The following ABCA13 variants were observed in gnomAD, a reference collection of about 807,000 sequenced individuals.
ABCA13 encodes the protein ATP-binding cassette sub-family A member 13.
In ABCA13, 476 loss-of-function variants were observed where a neutral mutation model predicts 478.7. The ratio of observed to expected loss-of-function variants is 0.99; its 90% confidence interval spans 0.92 to 1.07. ABCA13 has a LOEUF of 1.07. ABCA13 is among the 50% of genes least tolerant of loss of function. The pLI is 0.00. For missense variants in ABCA13, 6,060 were observed against 5,910.6 expected (o/e 1.03, Z -0.83); for synonymous variants, 2,252 against 2,158.9 (o/e 1.04, Z -1.20).
At chr7:48,233,066 A>C (rs951100098) in intron 7 of ABCA13, among the ~76,000 whole-genome samples, 5 of 152,240 alleles carry the variant, frequency 3.3e-5, no homozygotes, top group Non-Finnish European at 7.3e-5. Context: ...ATGTAAAGGC[A>C]ATCAGACTGG....
intron 31 of ABCA13, among the ~76,000 whole-genome samples, chr7:48,354,371 A>C (rs1355518536): frequency 1.3e-5 from 2 of 152,052 alleles, no homozygotes; most frequent in East Asian, 3.8e-4. Context: ...GAAGAACAGC[A>C]TACACTCCTA....
At chr7:48,173,010 G>C (rs1014519909) in intron 1 of ABCA13, among the ~76,000 whole-genome samples, 1 of 152,066 alleles carries the variant, frequency 6.6e-6, no homozygotes, top group Non-Finnish European at 1.5e-5. Flanking sequence ...TTGGTTCCCA[G>C]GCACTGCTCT....
chr7:48,419,219 A>T (rs1314023974), intron 41 of ABCA13, among the ~76,000 whole-genome samples: 1 of 152,232 alleles, frequency 6.6e-6, no homozygotes, highest in African/African-American at 2.4e-5. Flanking sequence ...GCAATTTGAC[A>T]TGAGATTTGG....
At chr7:48,219,014 C>T (rs185124537) in intron 3 of ABCA13, among the ~76,000 whole-genome samples, 355 of 152,292 alleles carry the variant, frequency 2.3e-3, no homozygotes, top group Non-Finnish European at 3.7e-3. Context: ...CATGTCCGTA[C>T]TGTTCACTGA....
intron 26 of ABCA13, among the ~76,000 whole-genome samples, chr7:48,315,018 A>T (rs1802361727): frequency 6.6e-6 from 1 of 152,220 alleles, no homozygotes; most frequent in Non-Finnish European, 1.5e-5. Context: ...CAGAATAAAC[A>T]TGCTGGTGAG....
Position 48,587,264 on chromosome 7 carries a change from G to T in ABCA13, c.14616G>T (p.Val4872=). The change falls in exon 57 of 62, where the codon GTG becomes GTT. Residue 4872 remains valine (V), a synonymous_variant. Transcript: ENST00000435803. ...AACTCTCTACAGCCCTGGCCCTGGTGGGGAAACCTGACATTCTTTTATTGG... is the reference window on the plus strand; with the variant it reads ...AACTCTCTACAGCCCTGGCCCTGGTTGGGAAACCTGACATTCTTTTATTGG... ...KRKLSTALAL[V]GKPDILLLDE... 1 of 1,609,332 alleles carries T rather than the reference G, an allele frequency of 6.2e-7. No homozygotes were observed.
chr7:48,282,467 A>C (rs981772662), intron 19 of ABCA13, among the ~76,000 whole-genome samples: 3 of 152,248 alleles, frequency 2.0e-5, no homozygotes, highest in Admixed American at 6.5e-5. Flanking sequence ...GACAACATGA[A>C]TCGAAGCCCA....
rs372785338 is a variant in ABCA13 at position 48,350,825 on chromosome 7, T to C, written c.10381+6T>C. ...GCAGAACAGCTTCTTGGCCAGTAAG[T>C]ACTCAATGAAAAAATATGTTCGCCA... On this transcript the variant is annotated splice_donor_region_variant and intron_variant, in intron 30 of 61. Coordinates refer to ENST00000435803, the MANE Select transcript of ABCA13 (RefSeq NM_152701.5). The C allele has an allele frequency of 4.0e-5, 64 of 1,610,198 alleles. 1 individual carries two copies. Among genetic ancestry groups the C allele is most frequent in the Middle Eastern group, 3.3e-4 (2 of 6,070 alleles).
At chr7:48,339,898 T>A (rs1252257896) in intron 29 of ABCA13, among the ~76,000 whole-genome samples, 2 of 152,270 alleles carry the variant, frequency 1.3e-5, no homozygotes, top group East Asian at 1.9e-4. Flanking sequence ...ACTGACCAGA[T>A]GCAAATCTCC....
intron 55 of ABCA13, among the ~76,000 whole-genome samples, chr7:48,563,794 TTGTGTGTGTGTGTGTG>T (rs200813371): frequency 2.2e-4 from 22 of 101,662 alleles, no homozygotes; most frequent in African/African-American, 2.0e-4. Flanking sequence ...TGTTTACTGC[TTGTGTGTGTGTGTGTG>T]TGTGTGTGTG....
At chr7:48,531,505 A>AT (rs982908596) in intron 55 of ABCA13, among the ~76,000 whole-genome samples, 10 of 150,604 alleles carry the variant, frequency 6.6e-5, no homozygotes, top group South Asian at 6.3e-4. Flanking sequence ...GAATTTTAGG[A>AT]TTTTTTTTTC....
chr7:48,275,653 ATAT>A lies in ABCA13; in HGVS notation c.5992_5994del (p.Ile1998del). On this transcript the variant is annotated inframe_deletion, in exon 17 of 62. Transcript: ENST00000435803. ...GAAGACACAGAGACATCTGTTCAAA[ATAT>A]TATTTCCTCAAATTTGGAAAGGACA... 4 of 1,601,260 alleles carry A rather than the reference ATAT, an allele frequency of 2.5e-6. No individual in the cohort carries two copies. Among genetic ancestry groups the A allele is most frequent in the Non-Finnish European group, 3.4e-6 (4 of 1,173,022 alleles).
chr7:48,525,037 T>G (rs1283193391), intron 54 of ABCA13, among the ~76,000 whole-genome samples: 1 of 152,212 alleles, frequency 6.6e-6, no homozygotes, highest in Non-Finnish European at 1.5e-5. Context: ...GCACCTTGCA[T>G]TCATACGGTT....
intron 58 of ABCA13, among the ~76,000 whole-genome samples, chr7:48,613,075 G>A (rs1918604): frequency 0.42 from 63,402 of 151,822 alleles, 13,828 homozygotes; most frequent in African/African-American, 0.53. Context: ...GTCTCTACAT[G>A]TTATTTACCC....
intron 29 of ABCA13, among the ~76,000 whole-genome samples, chr7:48,349,601 C>T (rs1563098075): frequency 6.6e-6 from 1 of 152,214 alleles, no homozygotes; most frequent in Admixed American, 6.5e-5. Context: ...AAGCAAAACC[C>T]AGACTTAATC....
intron 31 of ABCA13, among the ~76,000 whole-genome samples, chr7:48,362,024 C>T (rs1485945633): frequency 6.6e-6 from 1 of 151,874 alleles, no homozygotes; most frequent in African/African-American, 2.4e-5. Context: ...AAATATGATT[C>T]TTATTATTTC....
At chr7:48,535,891 T>C (rs1833538720) in intron 55 of ABCA13, among the ~76,000 whole-genome samples, 1 of 152,136 alleles carries the variant, frequency 6.6e-6, no homozygotes, top group Non-Finnish European at 1.5e-5. Context: ...CAAGTCAATT[T>C]CTGGGCAGTT....
intron 42 of ABCA13, among the ~76,000 whole-genome samples, chr7:48,440,438 AT>A (rs1486017783): frequency 4.9e-4 from 75 of 152,284 alleles, no homozygotes; most frequent in Non-Finnish European, 7.4e-5. Flanking sequence ...TGTAATTTCT[AT>A]GTAGTAATAT....
At chr7:48,430,195 A>G (rs1821951130) in intron 42 of ABCA13, among the ~76,000 whole-genome samples, 1 of 152,114 alleles carries the variant, frequency 6.6e-6, no homozygotes, top group Non-Finnish European at 1.5e-5. Flanking sequence ...TTTTTTAATT[A>G]TGATTAATTC....
Sources: gnomAD v4.1 joint callset for allele counts (sites outside exome capture counted in the v4.1 genomes callset) on GRCh38, gnomAD v4.1.1 for gene constraint, MANE v1.5 for transcripts, NCBI Gene and HGNC (gene_info 2026-07-23, HGNC 2026-07-21) for gene names.